Variants in XPNPEP1 observed in about 807,000 individuals in gnomAD.
The protein encoded by XPNPEP1 is X-prolyl aminopeptidase 1.
XPNPEP1 carries 39 observed loss-of-function variants against 92.4 expected under a neutral mutation model. The ratio of observed to expected loss-of-function variants is 0.42; its 90% CI spans 0.33 to 0.55. The LOEUF (loss-of-function observed/expected upper bound fraction) is 0.55, where lower values mean the gene tolerates loss of function less well. XPNPEP1 is among the 20% of genes least tolerant of loss of function. XPNPEP1 has a pLI of 0.08. For missense variants in XPNPEP1, 654 were observed against 856.1 expected (o/e 0.76, Z 2.95); for synonymous variants, 307 against 299.4 (o/e 1.03, Z -0.26).
chr10:109,919,056 A>G (rs1850380255), intron 1 of XPNPEP1, among the ~76,000 whole-genome samples: 1 of 152,364 alleles, frequency 6.6e-6, no homozygotes, highest in East Asian at 1.9e-4. Flanking sequence ...TAGCGCAACC[A>G]TAAGTCTGCC....
chr10:109,869,919 T>C (rs1255927203), intron 19 of XPNPEP1, 34 bp downstream of exon 19: 4 of 1,610,292 alleles, frequency 2.5e-6, no homozygotes, highest in Non-Finnish European at 2.5e-6. Context: ...TTATTGCTAA[T>C]AGAAACAGGA....
chr10:109,914,881 C>A (rs1387387708), intron 2 of XPNPEP1, 130 bp downstream of exon 2: 4 of 455,662 alleles, frequency 8.8e-6, no homozygotes, highest in Non-Finnish European at 1.5e-5. Flanking sequence ...TTTTTAACTT[C>A]CAGATACTAA....
chr10:109,901,745 T>C (rs1564781605), intron 3 of XPNPEP1, among the ~76,000 whole-genome samples: 1 of 152,258 alleles, frequency 6.6e-6, no homozygotes, highest in Non-Finnish European at 1.5e-5. Flanking sequence ...TAAGTATGTT[T>C]AGAACAACTT....
At chr10:109,914,452 AAAAC>A (rs1850059505) in intron 2 of XPNPEP1, among the ~76,000 whole-genome samples, 1 of 152,160 alleles carries the variant, frequency 6.6e-6, no homozygotes. Context: ...GAAAACGAAA[AAAAC>A]AAACAACAAA....
chr10:109,904,002 G>A (rs768662238), intron 3 of XPNPEP1, among the ~76,000 whole-genome samples: 22 of 150,930 alleles, frequency 1.5e-4, no homozygotes, highest in Non-Finnish European at 3.1e-4. Flanking sequence ...GAGCCACCAC[G>A]CCCAGCTAAT....
chr10:109,878,053 G>T lies in XPNPEP1; in HGVS notation c.1188C>A (p.Pro396=), dbSNP rs1252581065. Residue 396 remains proline, a synonymous_variant, in exon 13 of 21, where the codon CCC becomes CCA. Transcript: ENST00000502935. The stretch of plus-strand genomic sequence containing the variant: ...CTGAGATCTCTGTCACACCACCTTT[G>T]GGAACCTATGAGAAAATTGCTTATA... ...ELFNWLEKEV[P]KGGVTEISAA... is the part of the protein sequence containing the mutation. 2 of 1,614,154 alleles carry T rather than the reference G, an allele frequency of 1.2e-6. No homozygotes were observed. Among genetic ancestry groups the T allele is most frequent in the Non-Finnish European group, 1.7e-6 (2 of 1,180,030 alleles).
chr10:109,877,758 G>C, intron 14 of XPNPEP1, 32 bp downstream of exon 14: 1 of 1,613,956 alleles, frequency 6.2e-7, no homozygotes, highest in Non-Finnish European at 8.5e-7. Context: ...GAAGCAGCAA[G>C]GCCAGGCAGC....
chr10:109,871,781 G>A lies in XPNPEP1; in HGVS notation c.1522+11C>T. On this transcript the variant is annotated intron_variant, in intron 17 of 20. Transcript: ENST00000502935. ...AAAAGAGCCTGCCATGTGACAGAAT[G>A]CACCACCTACCTTTGGTTCCAGTCG... is the stretch of plus-strand genomic sequence containing the variant. The A allele has an allele frequency of 6.2e-7, 1 of 1,612,026 alleles. No individual in the cohort carries two copies. The highest frequency in any genetic ancestry group is 8.5e-7 in the Non-Finnish European group (1 of 1,179,800).
chr10:109,880,986 C>T, intron 10 of XPNPEP1, 55 bp from the exon 11 acceptor site: 1 of 1,532,614 alleles, frequency 6.5e-7, no homozygotes, highest in African/African-American at 1.4e-5. Flanking sequence ...CCACCCAAGA[C>T]CAAGGCAACA....
intron 7 of XPNPEP1, among the ~76,000 whole-genome samples, chr10:109,887,482 C>T (rs977613082): frequency 5.3e-5 from 8 of 152,200 alleles, no homozygotes; most frequent in Admixed American, 6.5e-5. Context: ...TCTGTTTCTA[C>T]AGCAAGACGC....
chr10:109,908,132 T>C (rs186357464), intron 2 of XPNPEP1, among the ~76,000 whole-genome samples: 1 of 152,336 alleles, frequency 6.6e-6, no homozygotes, highest in East Asian at 1.9e-4. Context: ...GAAATTTAGG[T>C]GTTTATCTTT....
chr10:109,909,782 T>G (rs1370590131), intron 2 of XPNPEP1, among the ~76,000 whole-genome samples: 2 of 152,232 alleles, frequency 1.3e-5, no homozygotes, highest in African/African-American at 4.8e-5. Flanking sequence ...TCCAACTCAT[T>G]TTTAATAGAC....
At chr10:109,909,824 C>A (rs1016178118) in intron 2 of XPNPEP1, among the ~76,000 whole-genome samples, 1 of 152,168 alleles carries the variant, frequency 6.6e-6, no homozygotes, top group South Asian at 2.1e-4. Flanking sequence ...AGTTTCACAG[C>A]AAAACTGAGC....
At chr10:109,908,319 G>A (rs1439189438) in intron 2 of XPNPEP1, among the ~76,000 whole-genome samples, 5 of 152,338 alleles carry the variant, frequency 3.3e-5, no homozygotes, top group African/African-American at 1.2e-4. Flanking sequence ...AAAAACAGAT[G>A]ACAGGCTGGG....
In XPNPEP1 at chr10:109,923,411, G is replaced by A; in HGVS notation, c.23C>T (p.Pro8Leu). Reference sequence around the variant, plus strand: ...GGCGGAGTGCCCTCACCTTACTCGCGGTGGCTTTCTGGAGGCTGCCATTCG... The same window carrying A: ...GGCGGAGTGCCCTCACCTTACTCGCAGTGGCTTTCTGGAGGCTGCCATTCG... MAASRKPPRVRVNHQDFQ... is the reference protein window; with the variant it reads MAASRKPLRVRVNHQDFQ... Residue 8 changes from proline (P) to leucine (L), a missense_variant, in exon 1 of 21, where the codon CCG (proline) becomes CTG (leucine). Transcript: ENST00000502935. 1 of 1,441,658 alleles carries A rather than the reference G, an allele frequency of 6.9e-7. No individual in the cohort carries two copies. The highest frequency in any genetic ancestry group is 9.1e-7 in the Non-Finnish European group (1 of 1,097,464). 89.3% of individuals were successfully genotyped at this position (1,441,658 alleles called of 1,614,324 possible).
chr10:109,903,647 A>C (rs1360058784), intron 3 of XPNPEP1, among the ~76,000 whole-genome samples: 1 of 152,208 alleles, frequency 6.6e-6, no homozygotes, highest in East Asian at 1.9e-4. Flanking sequence ...AGAGCTCATC[A>C]GAGGGGCCCA....
chr10:109,871,815 G>A lies in XPNPEP1; in HGVS notation c.1499C>T (p.Ala500Val). The A allele has an allele frequency of 6.2e-7, 1 of 1,614,134 alleles. No homozygotes were observed. Among genetic ancestry groups the A allele is most frequent in the Non-Finnish European group, 8.5e-7 (1 of 1,180,006 alleles). The change falls in exon 17 of 21, where the codon GCC becomes GTC. Residue 500 changes from alanine to valine, a missense_variant. Transcript: ENST00000502935. ...ACCTTTGGTTCCAGTCGGGAAAACG[G>A]CTGCACTCACAGCTATGTGGCCCTT... ...VLKGHIAVSA[A>V]VFPTGTKGHL...
chr10:109,918,850 A>G (rs1421329994), intron 1 of XPNPEP1, among the ~76,000 whole-genome samples: 1 of 42,730 alleles, frequency 2.3e-5, no homozygotes, highest in African/African-American at 5.7e-5. Context: ...GAAGGAAGGA[A>G]GGAAGGAGGG....
At chr10:109,884,026 G>A (rs1284850637) in intron 9 of XPNPEP1, 41 bp downstream of exon 9, 3 of 1,590,920 alleles carry the variant, frequency 1.9e-6, no homozygotes, top group Non-Finnish European at 8.6e-7. Context: ...GGGCTCTGAG[G>A]AGCTCTGGAA....
Sources: gnomAD v4.1 joint callset for allele counts (sites outside exome capture counted in the v4.1 genomes callset) on GRCh38, gnomAD v4.1.1 for gene constraint, MANE v1.5 for transcripts, NCBI Gene and HGNC (gene_info 2026-07-23, HGNC 2026-07-21) for gene names.